The following RHOU variants were observed in gnomAD, a reference collection of about 807,000 sequenced individuals.
RHOU encodes the protein ras homolog family member U.
Under a neutral mutation model 12.6 loss-of-function variants are expected in RHOU, and 8 were observed. The observed-to-expected ratio is 0.64, with a 90% CI of 0.37 to 1.15. The LOEUF is 1.15. Among genes scored for constraint, RHOU ranks in the 50% most tolerant of loss-of-function variants. The pLI is 0.01. For missense variants in RHOU, 258 were observed against 347.0 expected (o/e 0.74, Z 2.04); for synonymous variants, 161 against 147.4 (o/e 1.09, Z -0.67).
At chr1:228,691,217 T>C in the RHOU span, among the ~76,000 whole-genome samples, 1 of 152,222 alleles carries the variant, frequency 6.6e-6, no homozygotes, top group South Asian at 2.1e-4. Context: ...TACAGAGTAG[T>C]ACGTTTGTTA....
chr1:228,727,248 T>C, the RHOU span, among the ~76,000 whole-genome samples: 3 of 152,216 alleles, frequency 2.0e-5, no homozygotes, highest in Non-Finnish European at 1.5e-5. Context: ...TACATTCTTC[T>C]GGGATGCATA....
chr1:228,690,404 C>T, the RHOU span, among the ~76,000 whole-genome samples: 1 of 148,778 alleles, frequency 6.7e-6, no homozygotes, highest in Non-Finnish European at 1.5e-5. Context: ...CGGCTCACCG[C>T]AACCTCCGCC....
the RHOU span, among the ~76,000 whole-genome samples, chr1:228,656,397 C>T: frequency 6.6e-6 from 1 of 152,132 alleles, no homozygotes; most frequent in African/African-American, 2.4e-5. Context: ...TTTTTGTTTT[C>T]TTTCTTTTTA....
At chr1:228,706,297 G>C in the RHOU span, among the ~76,000 whole-genome samples, 1 of 152,202 alleles carries the variant, frequency 6.6e-6, no homozygotes, top group Non-Finnish European at 1.5e-5. Flanking sequence ...ATTTAATAGA[G>C]TTTAACTGAG....
the RHOU span, among the ~76,000 whole-genome samples, chr1:228,729,758 A>G: frequency 1.3e-5 from 2 of 152,252 alleles, no homozygotes; most frequent in Non-Finnish European, 2.9e-5. Context: ...AAACAGTTTC[A>G]GAAATAATTT....
the RHOU span, among the ~76,000 whole-genome samples, chr1:228,674,051 A>G: frequency 4.6e-5 from 7 of 152,186 alleles, 1 homozygote; most frequent in Non-Finnish European, 1.0e-4. Flanking sequence ...TGGCTTTTGC[A>G]TTTTAGTTAC....
At position 228,743,624 on chromosome 1, in the gene RHOU, G is replaced by A. The variant is rs764760417; in HGVS notation, c.661G>A (p.Ala221Thr). The change falls in exon 3 of 3, where the codon GCT becomes ACT. Residue 221 changes from alanine (A) to threonine (T), a missense_variant. Transcript: ENST00000366691. This position sits in a 1 kb window ranked among gnomAD's most constrained non-coding sequence, Gnocchi z 5.1. ...LKEVFDAAIV[A>T]GIQYSDTQQQ... The stretch of plus-strand genomic sequence containing the variant: ...AGAGGTCTTTGATGCAGCCATCGTC[G>A]CTGGCATTCAATACTCGGACACTCA... 2.5e-6 allele frequency: 4 copies of A among 1,614,116 alleles called. No homozygotes were observed. Among genetic ancestry groups the A allele is most frequent in the East Asian group, 2.2e-5 (1 of 44,880 alleles).
At chr1:228,692,210 G>A in the RHOU span, among the ~76,000 whole-genome samples, 2 of 152,330 alleles carry the variant, frequency 1.3e-5, no homozygotes, top group South Asian at 2.1e-4. Flanking sequence ...TGGAAGATGA[G>A]TAGAATTAGA....
chr1:228,665,051 C>A, the RHOU span, among the ~76,000 whole-genome samples: 1 of 152,172 alleles, frequency 6.6e-6, no homozygotes, highest in African/African-American at 2.4e-5. Context: ...AAGATAGGTA[C>A]TATTTTATTT....
At chr1:228,678,527 T>C in the RHOU span, among the ~76,000 whole-genome samples, 12 of 152,226 alleles carry the variant, frequency 7.9e-5, no homozygotes, top group Admixed American at 7.2e-4. Context: ...TCCAGCTTCC[T>C]TTGGAAGTAA....
At chr1:228,666,093 G>A in the RHOU span, among the ~76,000 whole-genome samples, 1 of 151,848 alleles carries the variant, frequency 6.6e-6, no homozygotes, top group East Asian at 1.9e-4. Context: ...AAGTAGCTAG[G>A]ATTGCAGGCG....
chr1:228,720,802 AG>A, the RHOU span, among the ~76,000 whole-genome samples: 1 of 152,248 alleles, frequency 6.6e-6, no homozygotes, highest in Non-Finnish European at 1.5e-5. Flanking sequence ...TTGCACAGGC[AG>A]GTGGCACTAT....
At chr1:228,729,690 T>G in the RHOU span, among the ~76,000 whole-genome samples, 2 of 152,236 alleles carry the variant, frequency 1.3e-5, no homozygotes, top group Admixed American at 6.5e-5. Flanking sequence ...ATTGAAATTT[T>G]GAGTTCACTT....
chr1:228,657,310 G>GAAAAAAA, the RHOU span, among the ~76,000 whole-genome samples: 2 of 103,608 alleles, frequency 1.9e-5, no homozygotes, highest in Non-Finnish European at 4.2e-5. Context: ...AAAGGAAAAA[G>GAAAAAAA]AAAAAGAATA....
the RHOU span, among the ~76,000 whole-genome samples, chr1:228,716,929 C>T: frequency 6.6e-6 from 1 of 152,106 alleles, no homozygotes; most frequent in South Asian, 2.1e-4. Context: ...AGGAAAAATT[C>T]CAGTTCTCAT....
In RHOU at chr1:228,737,616, T is replaced by C; in HGVS notation, c.263-57T>C. On this transcript the variant is annotated intron_variant, in intron 1 of 2. Transcript: ENST00000366691. This position sits in a 1 kb window ranked among gnomAD's most constrained non-coding sequence, Gnocchi z 4.1. Reference sequence around the variant, plus strand: ...TGATAGTGAAAGCTAAAACTATTAGTATTCCGAAAGGGGTTAAAAGACACC... The same window carrying C: ...TGATAGTGAAAGCTAAAACTATTAGCATTCCGAAAGGGGTTAAAAGACACC... The C allele has an allele frequency of 6.7e-7, 1 of 1,481,978 alleles. No individual in the cohort carries two copies. The highest frequency in any genetic ancestry group is 9.4e-7 in the Non-Finnish European group (1 of 1,059,808). The allele number at this position is 1,481,978 out of a possible 1,614,324, so 91.8% of individuals were successfully genotyped here.
the RHOU span, among the ~76,000 whole-genome samples, chr1:228,707,257 T>TATATATATATATATATA: frequency 1.2e-3 from 49 of 40,360 alleles, no homozygotes; most frequent in African/African-American, 8.0e-3. Context: ...ATATATATAG[T>TATATATATATATATATA]GTGTGTGTGT....
chr1:228,693,164 T>G, the RHOU span, among the ~76,000 whole-genome samples: 18,345 of 152,222 alleles, frequency 0.12, 1,290 homozygotes, highest in African/African-American at 0.19. Context: ...TAAAGGTTTT[T>G]CAATAAGAAT....
At chr1:228,654,019 T>C in the RHOU span, among the ~76,000 whole-genome samples, 1 of 152,184 alleles carries the variant, frequency 6.6e-6, no homozygotes, top group African/African-American at 2.4e-5. Flanking sequence ...ATGAACTGCA[T>C]CCTAAATTTT....
Sources: gnomAD v4.1 joint callset for allele counts (sites outside exome capture counted in the v4.1 genomes callset) on GRCh38, gnomAD v4.1.1 for gene constraint, Gnocchi (gnomAD v3.1) non-coding constraint, MANE v1.5 for transcripts, NCBI Gene and HGNC (gene_info 2026-07-23, HGNC 2026-07-21) for gene names.